The following MSL2 variants were observed in gnomAD, a reference collection of about 807,000 sequenced individuals.
MSL2 encodes the protein MSL complex subunit 2.
In MSL2, 2 loss-of-function variants were observed where a neutral mutation model predicts 35.8. That is an observed-to-expected ratio of 0.06 (90% confidence interval 0.02 to 0.18). MSL2 has a LOEUF of 0.18. Ranked by LOEUF, MSL2 falls within the 10% of genes least tolerant of loss-of-function variation. The pLI is 1.00. For synonymous variants in MSL2, 296 were observed against 255.7 expected (o/e 1.16, Z -1.50); for missense variants, 523 against 706.7 (o/e 0.74, Z 2.95).
chr3:136,164,452 A>G (rs1939785690), intron 1 of MSL2, among the ~76,000 whole-genome samples: 2 of 152,242 alleles, frequency 1.3e-5, no homozygotes, highest in African/African-American at 4.8e-5. Context: ...AAAGATGCCC[A>G]TTGGCAAACT....
In MSL2 at chr3:136,152,584, T is replaced by C; in HGVS notation, c.297A>G (p.Leu99=). 2 of 1,614,200 alleles carry C rather than the reference T, an allele frequency of 1.2e-6. No individual in the cohort carries two copies. Among genetic ancestry groups the C allele is most frequent in the Non-Finnish European group, 1.7e-6 (2 of 1,180,028 alleles). ...QFEENKQLSI[L]VNCYKKLCEY... ...CGCATAGTTTTTTGTAGCAGTTCAC[T>C]AGGATGCTTAACTGCTTGTTTTCCT... The change falls in exon 2 of 2, where the codon CTA becomes CTG. Residue 99 remains leucine, a synonymous_variant. Coordinates refer to ENST00000309993, the MANE Select transcript of MSL2 (RefSeq NM_018133.4).
chr3:136,169,667 C>G (rs1012282839), intron 1 of MSL2, among the ~76,000 whole-genome samples: 3 of 151,986 alleles, frequency 2.0e-5, no homozygotes, highest in Non-Finnish European at 4.4e-5. Flanking sequence ...CCAGGGTGGT[C>G]TTGAACTCCT....
chr3:136,150,926 CTA>C lies in MSL2; in HGVS notation c.*219_*220del, dbSNP rs1939342854. 1 of 519,708 alleles carries C rather than the reference CTA, an allele frequency of 1.9e-6. No homozygotes were observed. The allele number at this position is 519,708 out of a possible 1,614,324, so 32.2% of individuals were successfully genotyped here. A position where few individuals can be genotyped will look rare whatever the true frequency, so the allele number is the denominator to read the frequency against. ...CAGTTGCATCAGCTTTGTTCTCAAA[CTA>C]TGAGGTTCTGTAAGAACTAAGGACA... On this transcript the variant is annotated 3_prime_UTR_variant, in exon 2 of 2. Transcript: ENST00000309993.
At position 136,150,550 on chromosome 3, in the gene MSL2, T is replaced by C. The variant is rs1015541705; in HGVS notation, c.*597A>G. 3 of 152,834 alleles carry C rather than the reference T, an allele frequency of 2.0e-5. No homozygotes were observed. Among genetic ancestry groups the C allele is most frequent in the Admixed American group, 1.3e-4 (2 of 15,308 alleles). 9.5% of individuals were successfully genotyped at this position (152,834 alleles called of 1,614,324 possible). On this transcript the variant is annotated 3_prime_UTR_variant, in exon 2 of 2. Transcript: ENST00000309993. ...GACAGAATTTTACTTTTTAAAAAGA[T>C]TTCTTAAACATTCTAATGAGGGGGA...
chr3:136,177,396 C>T (rs76957047), intron 1 of MSL2, among the ~76,000 whole-genome samples: 4,378 of 152,078 alleles, frequency 0.029, 205 homozygotes, highest in African/African-American at 0.098. Flanking sequence ...TGCTACAGGC[C>T]GGGCACGGTG....
At chr3:136,153,548 G>A (rs939803521) in intron 1 of MSL2, among the ~76,000 whole-genome samples, 1 of 152,316 alleles carries the variant, frequency 6.6e-6, no homozygotes, top group East Asian at 1.9e-4. Flanking sequence ...AGCACTTTGG[G>A]AGGCTGAGGT....
At chr3:136,165,047 G>A (rs780973274) in intron 1 of MSL2, among the ~76,000 whole-genome samples, 2 of 152,030 alleles carry the variant, frequency 1.3e-5, no homozygotes, top group African/African-American at 4.8e-5. Flanking sequence ...CTAATTTTTT[G>A]TATTTTTAGT....
At chr3:136,155,181 G>A (rs1939483815) in intron 1 of MSL2, among the ~76,000 whole-genome samples, 1 of 151,220 alleles carries the variant, frequency 6.6e-6, no homozygotes, top group Non-Finnish European at 1.5e-5. Context: ...CTGCACTCCA[G>A]CCTGGCGACA....
At chr3:136,177,972 TG>T (rs1940230060) in intron 1 of MSL2, among the ~76,000 whole-genome samples, 1 of 152,298 alleles carries the variant, frequency 6.6e-6, no homozygotes, top group Admixed American at 6.5e-5. Flanking sequence ...GAATCATCTT[TG>T]GGTAAGTCAG....
chr3:136,171,173 A>T (rs1025691589), intron 1 of MSL2, among the ~76,000 whole-genome samples: 2 of 152,210 alleles, frequency 1.3e-5, no homozygotes, highest in African/African-American at 4.8e-5. Flanking sequence ...TGCTGTTTCA[A>T]ATCAAAAGGA....
chr3:136,188,481 G>A (rs1258154676), intron 1 of MSL2, among the ~76,000 whole-genome samples: 1 of 151,694 alleles, frequency 6.6e-6, no homozygotes, highest in East Asian at 1.9e-4. Context: ...TGGGTTCAGT[G>A]GCTCATGCCT....
chr3:136,192,719 G>A (rs1232587893), intron 1 of MSL2, among the ~76,000 whole-genome samples: 1 of 152,200 alleles, frequency 6.6e-6, no homozygotes. Flanking sequence ...TACAGGACGT[G>A]TTGAAACAAA....
chr3:136,184,763 G>GGC (rs1940468493), intron 1 of MSL2, among the ~76,000 whole-genome samples: 1 of 81,214 alleles, frequency 1.2e-5, no homozygotes, highest in Non-Finnish European at 2.4e-5. Flanking sequence ...GGGGGGGGGG[G>GGC]ACAAAGGTCA....
At chr3:136,161,275 T>A (rs1338803573) in intron 1 of MSL2, among the ~76,000 whole-genome samples, 1 of 152,130 alleles carries the variant, frequency 6.6e-6, no homozygotes, top group African/African-American at 2.4e-5. Flanking sequence ...GTAAAACAGG[T>A]ACAACAATCA....
At chr3:136,155,207 GA>G (rs746345027) in intron 1 of MSL2, among the ~76,000 whole-genome samples, 255 of 138,936 alleles carry the variant, frequency 1.8e-3, no homozygotes, top group Middle Eastern at 3.9e-3. Context: ...AGACTGTCTG[GA>G]AAAAAAAAAA....
At chr3:136,175,089 T>C (rs531155203) in intron 1 of MSL2, among the ~76,000 whole-genome samples, 1 of 152,178 alleles carries the variant, frequency 6.6e-6, no homozygotes, top group South Asian at 2.1e-4. Context: ...CTCACGCCTA[T>C]AATCCCAGCA....
chr3:136,151,277 G>A lies in MSL2; in HGVS notation c.1604C>T (p.Ala535Val). The change falls in exon 2 of 2, where the codon GCT becomes GTT. Residue 535 changes from alanine to valine, a missense_variant. Coordinates refer to ENST00000309993, the MANE Select transcript of MSL2 (RefSeq NM_018133.4). This position sits in a 1 kb window ranked among gnomAD's most constrained non-coding sequence, Gnocchi z 5.2. The part of the protein sequence containing the change: ...LTLGINVTSI[A>V]VRNASTSTSV... Reference sequence around the variant, plus strand: ...GGTGCTGGTACTAGCGTTACGCACAGCAATGCTAGTCACGTTAATGCCCAA... The same window carrying A: ...GGTGCTGGTACTAGCGTTACGCACAACAATGCTAGTCACGTTAATGCCCAA... 1 of 1,614,256 alleles carries A rather than the reference G, an allele frequency of 6.2e-7. No individual in the cohort carries two copies. Among genetic ancestry groups the A allele is most frequent in the Non-Finnish European group, 8.5e-7 (1 of 1,180,050 alleles).
chr3:136,186,515 C>G (rs1940529141), intron 1 of MSL2, among the ~76,000 whole-genome samples: 1 of 152,198 alleles, frequency 6.6e-6, no homozygotes, highest in Non-Finnish European at 1.5e-5. Context: ...AGCCACTCCC[C>G]ACTGCTCGCA....
chr3:136,175,819 A>C (rs943484381), intron 1 of MSL2, among the ~76,000 whole-genome samples: 1 of 152,200 alleles, frequency 6.6e-6, no homozygotes, highest in African/African-American at 2.4e-5. Context: ...ATTGAATAAA[A>C]CATTTCTCCT....
Sources: gnomAD v4.1 joint callset for allele counts (sites outside exome capture counted in the v4.1 genomes callset) on GRCh38, gnomAD v4.1.1 for gene constraint, Gnocchi (gnomAD v3.1) non-coding constraint, MANE v1.5 for transcripts, NCBI Gene and HGNC (gene_info 2026-07-23, HGNC 2026-07-21) for gene names.